CSRNP3: variants seen among roughly 807,000 people sequenced by gnomAD.
The protein encoded by CSRNP3 is cysteine and serine rich nuclear protein 3.
Under a neutral mutation model 48.0 loss-of-function variants are expected in CSRNP3, and 12 were observed. That is an observed-to-expected ratio of 0.25 (90% CI 0.16 to 0.41). CSRNP3 has a LOEUF of 0.41. Ranked by LOEUF, CSRNP3 falls within the 10% of genes least tolerant of loss-of-function variation. CSRNP3 has a pLI of 1.00. For synonymous variants in CSRNP3, 263 were observed against 269.7 expected (o/e 0.98, Z 0.24); for missense variants, 580 against 724.4 (o/e 0.80, Z 2.29).
chr2:165,604,431 C>T (rs1011802274), intron 4 of CSRNP3, among the ~76,000 whole-genome samples: 1 of 152,174 alleles, frequency 6.6e-6, no homozygotes, highest in African/African-American at 2.4e-5. Flanking sequence ...GAAGACTTCA[C>T]AATGGTACAA....
In CSRNP3 at chr2:165,535,890, A is replaced by G. The variant is rs569146273; in HGVS notation, c.-24+17929A>G. 2.0e-5 allele frequency among the ~76,000 whole-genome samples: 3 copies of G among 152,008 alleles called. No individual in the cohort carries two copies. The South Asian group carries it at 6.2e-4, about 32-fold the overall frequency. ...AGTTACACTGTTGATTTAATGCCAT[A>G]TTTAGTCATTCTAGAAACACCAGAA... On this transcript the variant is annotated intron_variant, in intron 3 of 6. Transcript: ENST00000651982.
At chr2:165,599,026 G>A (rs1298903847) in intron 4 of CSRNP3, among the ~76,000 whole-genome samples, 1 of 151,800 alleles carries the variant, frequency 6.6e-6, no homozygotes, top group African/African-American at 2.4e-5. Flanking sequence ...GATTGCTTGA[G>A]CCCAGGCATT....
intron 4 of CSRNP3, among the ~76,000 whole-genome samples, chr2:165,642,346 C>T (rs1686736847): frequency 6.6e-6 from 1 of 152,166 alleles, no homozygotes; most frequent in Non-Finnish European, 1.5e-5. Flanking sequence ...AATAAAAACA[C>T]TTCATTAAGC....
chr2:165,498,821 T>C (rs565523000), intron 2 of CSRNP3, among the ~76,000 whole-genome samples: 2 of 152,230 alleles, frequency 1.3e-5, no homozygotes, highest in South Asian at 2.1e-4. Flanking sequence ...AAATACATCA[T>C]AGAAAACCTC....
At chr2:165,565,003 A>C (rs1685279763) in intron 3 of CSRNP3, among the ~76,000 whole-genome samples, 1 of 151,970 alleles carries the variant, frequency 6.6e-6, no homozygotes, top group African/African-American at 2.4e-5. Context: ...ACTTTAAAGC[A>C]CCTCACTGTG....
intron 4 of CSRNP3, among the ~76,000 whole-genome samples, chr2:165,612,324 GA>G (rs2105310937): frequency 6.6e-6 from 1 of 152,070 alleles, no homozygotes; most frequent in African/African-American, 2.4e-5. Context: ...AACATTTGGG[GA>G]AAAGTATCAG....
Position 165,679,559 on chromosome 2 carries a change from C to T in CSRNP3, c.1564C>T (p.His522Tyr), listed in dbSNP as rs756845112. The T allele has an allele frequency of 5.0e-6, 8 of 1,613,928 alleles. No individual in the cohort carries two copies. The highest frequency in any genetic ancestry group is 1.7e-4 in the Middle Eastern group (1 of 6,058). ...GCCCTGCAATAGTTTATATCCTGAA[C>T]ACAGGTCCAATCACCCTCAAGTGGA... ...GVPCNSLYPE[H>Y]RSNHPQVEFH... The change falls in exon 7 of 7, where the codon CAC (histidine) becomes TAC (tyrosine). Residue 522 changes from histidine (H) to tyrosine (Y), a missense_variant. His to Tyr is a moderately conservative substitution (Grantham distance 83). Coordinates refer to ENST00000651982, the MANE Select transcript of CSRNP3 (RefSeq NM_001172173.2).
Position 165,679,508 on chromosome 2 carries a change from T to C in CSRNP3, c.1513T>C (p.Ser505Pro). ...AANPSVIVCC[S>P]SSENDSGVPC... ...CAACCCCTCTGTAATCGTTTGCTGC[T>C]CCTCTTCCGAAAATGATAGCGGTGT... is the stretch of plus-strand genomic sequence containing the variant. The change falls in exon 7 of 7, where the codon TCC (serine) becomes CCC (proline). Residue 505 changes from serine (S) to proline (P), a missense_variant. Physicochemically the swap from Ser to Pro is moderately conservative, Grantham distance 74. This residue lies in a region of CSRNP3 where 369 missense variants were observed against 380.8 expected (regional missense o/e 0.97). Transcript: ENST00000651982. 1 of 1,613,612 alleles carries C rather than the reference T, an allele frequency of 6.2e-7. No individual in the cohort carries two copies. The highest frequency in any genetic ancestry group is 8.5e-7 in the Non-Finnish European group (1 of 1,179,938).
chr2:165,527,144 C>T (rs563831110), intron 3 of CSRNP3, among the ~76,000 whole-genome samples: 6 of 149,070 alleles, frequency 4.0e-5, no homozygotes, highest in Non-Finnish European at 8.9e-5. Context: ...GAAATATACA[C>T]ATAAGTGAAA....
At chr2:165,590,049 A>G (rs1230301815) in intron 3 of CSRNP3, among the ~76,000 whole-genome samples, 1 of 152,196 alleles carries the variant, frequency 6.6e-6, no homozygotes, top group East Asian at 1.9e-4. Flanking sequence ...TTTAAAATTT[A>G]TATCCTGTCC....
intron 4 of CSRNP3, among the ~76,000 whole-genome samples, chr2:165,611,560 G>T (rs1485561393): frequency 2.0e-5 from 3 of 151,962 alleles, no homozygotes. Flanking sequence ...CATGATAAGG[G>T]TGGGTTTCCT....
At chr2:165,568,040 C>A (rs1685320753) in intron 3 of CSRNP3, among the ~76,000 whole-genome samples, 1 of 152,050 alleles carries the variant, frequency 6.6e-6, no homozygotes, top group South Asian at 2.1e-4. Flanking sequence ...TTAAGGCTAT[C>A]AATAAGATCA....
intron 4 of CSRNP3, among the ~76,000 whole-genome samples, chr2:165,608,516 T>C (rs1686068571): frequency 6.6e-6 from 1 of 152,208 alleles, no homozygotes; most frequent in South Asian, 2.1e-4. Context: ...TAAAAACAGA[T>C]AGTCATCTGA....
At chr2:165,494,306 A>G (rs1684257831) in intron 1 of CSRNP3, among the ~76,000 whole-genome samples, 1 of 152,056 alleles carries the variant, frequency 6.6e-6, no homozygotes, top group South Asian at 2.1e-4. Flanking sequence ...AGATGCCCTT[A>G]TACCTGAGAA....
intron 3 of CSRNP3, among the ~76,000 whole-genome samples, chr2:165,565,491 T>G (rs1029990431): frequency 6.6e-6 from 1 of 152,072 alleles, no homozygotes; most frequent in African/African-American, 2.4e-5. Context: ...ATAACAATCA[T>G]ACCCCAGTGT....
At chr2:165,614,420 A>T (rs1302368790) in intron 4 of CSRNP3, among the ~76,000 whole-genome samples, 1 of 152,112 alleles carries the variant, frequency 6.6e-6, no homozygotes, top group South Asian at 2.1e-4. Flanking sequence ...GATGTCCTTT[A>T]TTTCTCTTGC....
Position 165,666,935 on chromosome 2 carries a change from GAAGA to G in CSRNP3, c.408+8924_408+8927del, listed in dbSNP as rs1441413307. 1.5e-3 allele frequency among the ~76,000 whole-genome samples: 57 copies of G among 38,336 alleles called. 9 individuals are homozygous for G. Among genetic ancestry groups the G allele is most frequent in the East Asian group, 0.011 (8 of 722 alleles). 25.1% of individuals were successfully genotyped at this position (38,336 alleles called of 152,430 possible). A position where few individuals can be genotyped will look rare whatever the true frequency, so the allele number is the denominator to read the frequency against. ...CGGAAGGAAGGGAGGAAAGAGAGAA[GAAGA>G]AAGAAAGAGAGAGAGGAAGGAAGGA... On this transcript the variant is annotated intron_variant, in intron 5 of 6. Transcript: ENST00000651982.
At chr2:165,513,830 G>C (rs1319159171) in intron 2 of CSRNP3, among the ~76,000 whole-genome samples, 4 of 152,206 alleles carry the variant, frequency 2.6e-5, no homozygotes, top group African/African-American at 4.8e-5. Context: ...AGGGCAACCA[G>C]GAAGCCAAAG....
intron 3 of CSRNP3, among the ~76,000 whole-genome samples, chr2:165,594,346 T>C (rs1244442907): frequency 6.6e-6 from 1 of 152,148 alleles, no homozygotes; most frequent in Non-Finnish European, 1.5e-5. Flanking sequence ...ATGGAGAAGG[T>C]GGAGAAAGGT....
Sources: gnomAD v4.1 joint callset for allele counts (sites outside exome capture counted in the v4.1 genomes callset) on GRCh38, gnomAD v4.1.1 for gene constraint, gnomAD v4.1.1 regional missense constraint, MANE v1.5 for transcripts, NCBI Gene and HGNC (gene_info 2026-07-23, HGNC 2026-07-21) for gene names.